DAB1: variants seen among roughly 807,000 people sequenced by gnomAD.
DAB1 encodes DAB adaptor protein 1.
In DAB1, 15 loss-of-function variants were observed where a neutral mutation model predicts 64.6. The ratio of observed to expected loss-of-function variants is 0.23; its 90% CI spans 0.16 to 0.36. DAB1 has a LOEUF of 0.36. Ranked by LOEUF, DAB1 falls within the 10% of genes least tolerant of loss-of-function variation. DAB1 has a pLI of 1.00. For synonymous variants in DAB1, 235 were observed against 251.9 expected (o/e 0.93, Z 0.64); for missense variants, 596 against 706.7 (o/e 0.84, Z 1.78).
At chr1:57,049,194 TAGAGACGTACTTTGGG>T (rs1024008139) in intron 9 of DAB1, among the ~76,000 whole-genome samples, 82 of 151,976 alleles carry the variant, frequency 5.4e-4, no homozygotes, top group African/African-American at 1.9e-3. Flanking sequence ...TCTTAGAAGT[TAGAGACGTACTTTGGG>T]AGGCCGAGGC....
chr1:58,301,167 G>A (rs781758848), intron 4 of DAB1, among the ~76,000 whole-genome samples: 2 of 142,664 alleles, frequency 1.4e-5, no homozygotes, highest in African/African-American at 2.6e-5. Context: ...CAAAGGTGGA[G>A]TTTTGAGTTC....
At position 57,573,090 on chromosome 1, in the gene DAB1, T is replaced by C. The variant is rs1303723449; in HGVS notation, n.625+76502A>G. ...GATCATATTTATTATAATTTTTGGT[T>C]TTTGGTGTTTTTTTAGAGACAGGGT... On this transcript the variant is annotated intron_variant and non_coding_transcript_variant, in intron 7 of 20. Coordinates refer to the DAB1 transcript ENST00000485760. Among the ~76,000 whole-genome samples the C allele has an allele frequency of 3.3e-5, 5 of 152,038 alleles. No homozygotes were observed. In the South Asian group the frequency reaches 1.0e-3, roughly 32 times the overall value.
At chr1:57,611,179 C>T (rs1377687772) in intron 7 of DAB1, among the ~76,000 whole-genome samples, 1 of 137,098 alleles carries the variant, frequency 7.3e-6, no homozygotes, top group Non-Finnish European at 1.5e-5. Context: ...CAGTTTCAGG[C>T]CTCCCAAACT....
At chr1:57,240,661 T>C (rs1385514555) in intron 2 of DAB1, among the ~76,000 whole-genome samples, 2 of 152,140 alleles carry the variant, frequency 1.3e-5, no homozygotes, top group African/African-American at 4.8e-5. Flanking sequence ...TCTATTTCTA[T>C]GGTTTAATGA....
intron 6 of DAB1, among the ~76,000 whole-genome samples, chr1:57,747,910 C>T (rs935120206): frequency 6.7e-5 from 10 of 149,390 alleles, no homozygotes; most frequent in African/African-American, 2.5e-4. Context: ...AATAGAGTGT[C>T]GCTGGAAGGC....
chr1:57,211,873 G>C (rs1430017528), intron 2 of DAB1, among the ~76,000 whole-genome samples: 1 of 152,220 alleles, frequency 6.6e-6, no homozygotes, highest in Non-Finnish European at 1.5e-5. Context: ...AATATGGTAA[G>C]ATGTGCATAA....
At chr1:57,461,943 CTTTTTTTTTTTTT>C (rs545743407) in intron 7 of DAB1, among the ~76,000 whole-genome samples, 7 of 100,338 alleles carry the variant, frequency 7.0e-5, no homozygotes, top group South Asian at 7.7e-4. Flanking sequence ...AAGATATACT[CTTTTTTTTTTTTT>C]TTTTTTTTTT....
chr1:57,981,000 T>C (rs1370305735), intron 5 of DAB1, among the ~76,000 whole-genome samples: 3 of 151,800 alleles, frequency 2.0e-5, no homozygotes, highest in African/African-American at 7.3e-5. Flanking sequence ...CATACAAGGA[T>C]AATATGACAG....
chr1:58,032,348 T>C (rs1646984326), intron 5 of DAB1, among the ~76,000 whole-genome samples: 1 of 152,156 alleles, frequency 6.6e-6, no homozygotes. Context: ...AAATAAGCCT[T>C]TGTTTCCTGT....
intron 3 of DAB1, among the ~76,000 whole-genome samples, chr1:58,397,401 T>C (rs1487426522): frequency 1.3e-5 from 2 of 152,164 alleles, no homozygotes; most frequent in African/African-American, 4.8e-5. Flanking sequence ...GAACAGGCTT[T>C]GGACGCAGGA....
intron 5 of DAB1, among the ~76,000 whole-genome samples, chr1:58,080,963 T>C (rs971859305): frequency 6.6e-6 from 1 of 152,210 alleles, no homozygotes; most frequent in Non-Finnish European, 1.5e-5. Flanking sequence ...GCCAAGGACA[T>C]TGAGCTAATG....
At chr1:57,387,255 C>T (rs1681944306) in intron 1 of DAB1, 1 of 152,082 alleles carries the variant, frequency 6.6e-6, no homozygotes, top group Non-Finnish European at 1.5e-5. Flanking sequence ...TGTACAGAGC[C>T]AGCACAGGGC....
intron 5 of DAB1, among the ~76,000 whole-genome samples, chr1:57,912,074 A>C (rs571154590): frequency 6.6e-6 from 1 of 152,344 alleles, no homozygotes; most frequent in East Asian, 1.9e-4. Context: ...GTTGTTTTAA[A>C]AGTTAATACC....
chr1:58,256,622 G>T (rs1660935025), intron 4 of DAB1, among the ~76,000 whole-genome samples: 1 of 152,134 alleles, frequency 6.6e-6, no homozygotes, highest in African/African-American at 2.4e-5. Context: ...TCCTCCCCAA[G>T]GTTCTCACAA....
chr1:57,629,735 GAA>G (rs35634554), intron 7 of DAB1, among the ~76,000 whole-genome samples: 21 of 143,236 alleles, frequency 1.5e-4, no homozygotes, highest in Middle Eastern at 3.7e-3. Context: ...TCAAGAACTT[GAA>G]AAAAAAAAAA....
At chr1:58,153,549 C>T (rs925984445) in intron 4 of DAB1, among the ~76,000 whole-genome samples, 2 of 152,074 alleles carry the variant, frequency 1.3e-5, no homozygotes, top group African/African-American at 4.8e-5. Flanking sequence ...TCTTTCATAT[C>T]TTATGAAATA....
At chr1:57,092,835 T>TA (rs1362043491) in intron 4 of DAB1, among the ~76,000 whole-genome samples, 1 of 152,096 alleles carries the variant, frequency 6.6e-6, no homozygotes, top group Non-Finnish European at 1.5e-5. Flanking sequence ...TAGACACATT[T>TA]AAAAGCTATA....
intron 4 of DAB1, among the ~76,000 whole-genome samples, chr1:58,177,712 A>G (rs1369878346): frequency 6.6e-6 from 1 of 151,528 alleles, no homozygotes; most frequent in Admixed American, 6.6e-5. Context: ...TTCTCATCTC[A>G]TTCCCGAGAA....
intron 1 of DAB1, among the ~76,000 whole-genome samples, chr1:57,390,536 C>A (rs1450755277): frequency 6.6e-6 from 1 of 152,222 alleles, no homozygotes; most frequent in African/African-American, 2.4e-5. Flanking sequence ...AGTGTCCCAA[C>A]TTTATTCCAG....
Sources: allele counts gnomAD v4.1 joint callset (sites outside exome capture counted in the v4.1 genomes callset), GRCh38; gene constraint gnomAD v4.1.1; transcripts MANE v1.5; gene names NCBI Gene and HGNC (gene_info 2026-07-23, HGNC 2026-07-21).